PAPOLG: variants seen among roughly 807,000 people sequenced by gnomAD.
PAPOLG encodes poly(A) polymerase gamma.
A neutral mutation model predicts 99.0 loss-of-function variants in PAPOLG; 40 were observed. The observed-to-expected ratio is 0.40, with a 90% CI of 0.31 to 0.53. PAPOLG has a LOEUF of 0.53. Ranked by LOEUF, PAPOLG falls within the 20% of genes least tolerant of loss-of-function variation. The pLI, the probability that PAPOLG is intolerant of heterozygous loss-of-function variation, is 0.41. For synonymous variants in PAPOLG, 310 were observed against 299.3 expected (o/e 1.04, Z -0.37); for missense variants, 675 against 884.1 (o/e 0.76, Z 3.00).
intron 13 of PAPOLG, 36 bp downstream of exon 13, chr2:60,783,245 T>C: frequency 2.2e-6 from 3 of 1,340,900 alleles, no homozygotes; most frequent in Non-Finnish European, 3.1e-6. Flanking sequence ...ACCTACTGTG[T>C]GGTGATAGTA....
At chr2:60,782,871 T>G (rs1671236398) in intron 12 of PAPOLG, 101 bp downstream of exon 12, 3 of 1,339,424 alleles carry the variant, frequency 2.2e-6, no homozygotes, top group Non-Finnish European at 3.0e-6. Context: ...CTTTTATTTC[T>G]TAAGCAAGAG....
At position 60,786,971 on chromosome 2, in the gene PAPOLG, C is replaced by A; in HGVS notation, c.1191C>A (p.Ile397=). Residue 397 remains isoleucine (I), a synonymous_variant, in exon 14 of 22, where the codon ATC becomes ATA. Transcript: ENST00000238714. ...GGGTTGGATTAGTAGAATCTAAAAT[C>A]CGTGTACTTGTTGGAAACTTGGAAC... ...LEWVGLVESK[I]RVLVGNLERN... is the part of the protein sequence containing the mutation. The A allele has an allele frequency of 6.2e-7, 1 of 1,611,476 alleles. No homozygotes were observed. Among genetic ancestry groups the A allele is most frequent in the South Asian group, 1.1e-5 (1 of 90,652 alleles).
At chr2:60,757,530 C>T (rs1274630438) in intron 1 of PAPOLG, among the ~76,000 whole-genome samples, 1 of 152,072 alleles carries the variant, frequency 6.6e-6, no homozygotes, top group African/African-American at 2.4e-5. Context: ...TTATATAACT[C>T]GTATCACACT....
At position 60,789,099 on chromosome 2, in the gene PAPOLG, T is replaced by C. The variant is rs113344194; in HGVS notation, c.1396+1479T>C. Among the ~76,000 whole-genome samples the C allele has an allele frequency of 3.0e-3, 453 of 152,068 alleles. 4 individuals carry two copies. The highest frequency in any genetic ancestry group is 0.011 in the South Asian group (53 of 4,814). On this transcript the variant is annotated intron_variant, in intron 15 of 21. Transcript: ENST00000238714. ...AGAACAAAAAACCAAACACCACATA[T>C]TCTCACTCATAGGTGGGAACTGAAC...
At chr2:60,756,660 C>T (rs978286421) in intron 1 of PAPOLG, among the ~76,000 whole-genome samples, 165 bp downstream of exon 1, 1 of 152,126 alleles carries the variant, frequency 6.6e-6, no homozygotes, top group Non-Finnish European at 1.5e-5. Flanking sequence ...CTCCCCTAAA[C>T]CCGGCGGCTC....
chr2:60,763,115 C>T (rs1031031381), intron 3 of PAPOLG, among the ~76,000 whole-genome samples: 1 of 151,686 alleles, frequency 6.6e-6, no homozygotes, highest in Non-Finnish European at 1.5e-5. Context: ...CCCTCTGTCA[C>T]CCAGGCTGCA....
At chr2:60,779,153 A>G (rs1195640829) in intron 8 of PAPOLG, among the ~76,000 whole-genome samples, 1 of 152,168 alleles carries the variant, frequency 6.6e-6, no homozygotes, top group African/African-American at 2.4e-5. Flanking sequence ...ATGGAGAGGT[A>G]TCCAAATTCT....
chr2:60,768,401 C>A, intron 3 of PAPOLG, 69 bp from the exon 4 acceptor site: 19 of 1,523,856 alleles, frequency 1.2e-5, no homozygotes, highest in African/African-American at 1.4e-5. Flanking sequence ...CATGCCCAGC[C>A]AACATTGAGG....
intron 8 of PAPOLG, among the ~76,000 whole-genome samples, chr2:60,777,484 A>G (rs572684482): frequency 6.6e-6 from 1 of 152,162 alleles, no homozygotes; most frequent in African/African-American, 2.4e-5. Context: ...TCTGTCAGCA[A>G]TAAAGCAGTT....
intron 1 of PAPOLG, among the ~76,000 whole-genome samples, chr2:60,757,475 A>G (rs1164837529): frequency 1.3e-5 from 2 of 151,376 alleles, no homozygotes; most frequent in African/African-American, 4.9e-5. Flanking sequence ...TACTACATAC[A>G]CATGTGTTCA....
rs1671672725 is a variant in PAPOLG, at chr2:60,795,623, A to G, written c.2112+603A>G. Among the ~76,000 whole-genome samples, 8 of 151,562 alleles carry G rather than the reference A, an allele frequency of 5.3e-5. No individual in the cohort carries two copies. The South Asian group carries it at 1.7e-3, about 31-fold the overall frequency. Reference sequence around the variant, plus strand: ...AACCTTCTCTGAGAGTTTATAATGAACAGAATGGCTTATTTATAATAATGA... The same window carrying G: ...AACCTTCTCTGAGAGTTTATAATGAGCAGAATGGCTTATTTATAATAATGA... On this transcript the variant is annotated intron_variant, in intron 21 of 21. Transcript: ENST00000238714.
Position 60,794,027 on chromosome 2 carries a change from G to T in PAPOLG, c.1825G>T (p.Val609Leu), listed in dbSNP as rs780627523. ...CCCCACTGTGTGTACCATTCCTACC[G>T]TAGTAGGACGAAATGTCATTCCTAG... Reference protein sequence around the residue: ...SPPTVCTIPTVVGRNVIPRIT... With the variant: ...SPPTVCTIPTLVGRNVIPRIT... Residue 609 changes from valine to leucine, a missense_variant, in exon 19 of 22, where the codon GTA becomes TTA. Val to Leu is a conservative substitution (Grantham distance 32). This residue lies in a region of PAPOLG where 413 missense variants were observed against 460.5 expected (regional missense o/e 0.90). Coordinates refer to ENST00000238714, the MANE Select transcript of PAPOLG (RefSeq NM_022894.4). 1 of 1,611,484 alleles carries T rather than the reference G, an allele frequency of 6.2e-7. No individual in the cohort carries two copies. The highest frequency in any genetic ancestry group is 8.5e-7 in the Non-Finnish European group (1 of 1,177,692).
Position 60,781,931 on chromosome 2 carries a change from C to G in PAPOLG, c.953C>G (p.Ala318Gly). The change falls in exon 11 of 22, where the codon GCC becomes GGC. Residue 318 changes from alanine to glycine, a missense_variant. Ala to Gly is a moderately conservative substitution (Grantham distance 60). Coordinates refer to ENST00000238714, the MANE Select transcript of PAPOLG (RefSeq NM_022894.4). ...CATCTCATGCCCATAATCACCCCTG[C>G]CTACCCACAACAGAATTCTACGTAT... ...RYHLMPIITP[A>G]YPQQNSTYNV... is the part of the protein sequence containing the mutation. 1 of 1,613,796 alleles carries G rather than the reference C, an allele frequency of 6.2e-7. No individual in the cohort carries two copies. Among genetic ancestry groups the G allele is most frequent in the Non-Finnish European group, 8.5e-7 (1 of 1,179,728 alleles).
intron 19 of PAPOLG, 37 bp from the exon 20 acceptor site, chr2:60,794,673 T>G: frequency 1.3e-6 from 2 of 1,562,000 alleles, no homozygotes; most frequent in Non-Finnish European, 1.8e-6. Flanking sequence ...TTTTTGTAGG[T>G]ACATAATAGC....
At chr2:60,793,173 C>CT (rs1486396196) in intron 17 of PAPOLG, among the ~76,000 whole-genome samples, 1 of 140,604 alleles carries the variant, frequency 7.1e-6, no homozygotes, top group Non-Finnish European at 1.5e-5. Flanking sequence ...TGCCACTGCA[C>CT]TCTAGCCTAG....
In PAPOLG at chr2:60,798,869, G is replaced by A. The variant is rs909204264; in HGVS notation, c.*1709G>A. 2 of 152,278 alleles carry A rather than the reference G, an allele frequency of 1.3e-5. No homozygotes were observed. Among genetic ancestry groups the A allele is most frequent in the African/African-American group, 4.8e-5 (2 of 41,432 alleles). 9.4% of individuals were successfully genotyped at this position (152,278 alleles called of 1,614,324 possible). A position where few individuals can be genotyped will look rare whatever the true frequency, so the allele number is the denominator to read the frequency against. On this transcript the variant is annotated 3_prime_UTR_variant, in exon 22 of 22. Coordinates refer to ENST00000238714, the MANE Select transcript of PAPOLG (RefSeq NM_022894.4). ...CATGGAAAACATGAAAAGAGTCTTA[G>A]AAGTAAAGAACAACAAGGAAAAAAA...
At position 60,794,706 on chromosome 2, in the gene PAPOLG, T is replaced by G. The variant is rs1459975689; in HGVS notation, c.1990-4T>G. The G allele has an allele frequency of 3.1e-6, 5 of 1,608,572 alleles. No homozygotes were observed. In the African/African-American group the frequency reaches 6.7e-5, roughly 22 times the overall value. ...AGCAATCTATTTCAATGTTTATATTTTAGTTTATTCGACTTGAATCAACAT... is the reference window on the plus strand; with the variant it reads ...AGCAATCTATTTCAATGTTTATATTGTAGTTTATTCGACTTGAATCAACAT... On this transcript the variant is annotated splice_region_variant and splice_polypyrimidine_tract_variant and intron_variant, in intron 19 of 21. Coordinates refer to ENST00000238714, the MANE Select transcript of PAPOLG (RefSeq NM_022894.4).
At position 60,770,514 on chromosome 2, in the gene PAPOLG, A is replaced by G. The variant is rs747420133; in HGVS notation, c.492+3A>G. ...AATTTGAATTTGATGGTATTGAAGT[A>G]AGTGTTTAATATTTTTCTGACTTTA... On this transcript the variant is annotated splice_donor_region_variant and intron_variant, in intron 6 of 21. Transcript: ENST00000238714. 1 of 1,549,224 alleles carries G rather than the reference A, an allele frequency of 6.5e-7. No homozygotes were observed. The highest frequency in any genetic ancestry group is 1.2e-5 in the South Asian group (1 of 84,504).
intron 1 of PAPOLG, among the ~76,000 whole-genome samples, chr2:60,759,496 T>A (rs879905590): frequency 1.3e-5 from 2 of 152,218 alleles, no homozygotes; most frequent in Non-Finnish European, 2.9e-5. Context: ...GTATAAAGAA[T>A]TTTATTTCAA....
Sources: gnomAD v4.1 joint callset for allele counts (sites outside exome capture counted in the v4.1 genomes callset) on GRCh38, gnomAD v4.1.1 for gene constraint, gnomAD v4.1.1 regional missense constraint, MANE v1.5 for transcripts, NCBI Gene and HGNC (gene_info 2026-07-23, HGNC 2026-07-21) for gene names.